ATP10B: variants seen among roughly 807,000 people sequenced by gnomAD.
ATP10B encodes the protein ATPase phospholipid transporting 10B (putative).
ATP10B carries 122 observed loss-of-function variants against 141.2 expected under a neutral mutation model. The observed-to-expected ratio is 0.86, with a 90% CI of 0.75 to 1.00. The LOEUF (loss-of-function observed/expected upper bound fraction) is 1.00. ATP10B is among the 50% of genes least tolerant of loss of function. The pLI is 0.00. For synonymous variants in ATP10B, 685 were observed against 692.0 expected (o/e 0.99, Z 0.16); for missense variants, 1,876 against 1,825.3 (o/e 1.03, Z -0.51).
chr5:160,896,071 C>G, the ATP10B span, among the ~76,000 whole-genome samples: 8 of 152,226 alleles, frequency 5.3e-5, no homozygotes, highest in Non-Finnish European at 1.5e-5. Flanking sequence ...ATTTATAGCA[C>G]TAAATGCCCA....
intron 1 of ATP10B, among the ~76,000 whole-genome samples, chr5:160,823,001 C>CATATATATATATATATACATAT (rs1774261887): frequency 2.9e-5 from 1 of 34,482 alleles, no homozygotes; most frequent in African/African-American, 9.3e-5. Flanking sequence ...TATATATATA[C>CATATATATATATATATACATAT]ATATATATAT....
chr5:160,672,741 C>T (rs1449308253), intron 6 of ATP10B, among the ~76,000 whole-genome samples: 3 of 152,210 alleles, frequency 2.0e-5, no homozygotes, highest in Non-Finnish European at 4.4e-5. Context: ...GGAATCTGAG[C>T]TGCACTGGGC....
intron 2 of ATP10B, among the ~76,000 whole-genome samples, chr5:160,773,070 G>T (rs4992466): frequency 0.27 from 41,238 of 151,732 alleles, 6,362 homozygotes; most frequent in Middle Eastern, 0.37. Flanking sequence ...ATTTGTTGTC[G>T]TTGTTAATTA....
chr5:160,612,716 A>T (rs1481204455), intron 18 of ATP10B, 25 bp downstream of exon 18: 7 of 1,593,018 alleles, frequency 4.4e-6, no homozygotes, highest in Non-Finnish European at 6.0e-6. Flanking sequence ...ATATCTGCAG[A>T]TATCAATACA....
chr5:160,764,947 C>T (rs1202908178), intron 2 of ATP10B, among the ~76,000 whole-genome samples: 2 of 152,052 alleles, frequency 1.3e-5, no homozygotes, highest in African/African-American at 4.8e-5. Context: ...ATCAAGAACT[C>T]AACCCCTTTT....
chr5:160,800,884 A>G (rs1772330780), intron 1 of ATP10B, among the ~76,000 whole-genome samples: 1 of 152,144 alleles, frequency 6.6e-6, no homozygotes, highest in Non-Finnish European at 1.5e-5. Flanking sequence ...AAGCTTTGAA[A>G]TTTCCCTTTC....
intron 1 of ATP10B, among the ~76,000 whole-genome samples, chr5:160,802,117 C>T (rs559127614): frequency 7.2e-5 from 11 of 152,134 alleles, no homozygotes; most frequent in Non-Finnish European, 1.3e-4. Context: ...TTCAGATTGC[C>T]TCTCTGGAAA....
intron 1 of ATP10B, among the ~76,000 whole-genome samples, chr5:160,817,334 A>G (rs1773714571): frequency 1.3e-5 from 2 of 152,218 alleles, no homozygotes; most frequent in Admixed American, 1.3e-4. Context: ...AGCAAAAATC[A>G]CAAGCATTCT....
intron 2 of ATP10B, among the ~76,000 whole-genome samples, chr5:160,783,142 A>G (rs1473667194): frequency 6.8e-6 from 1 of 147,782 alleles, no homozygotes; most frequent in Non-Finnish European, 1.5e-5. Flanking sequence ...ACGCTGCACC[A>G]TATTTGTAGT....
rs749762328 is a variant in ATP10B at position 160,636,294 on chromosome 5, T to C, written c.1016A>G (p.Asn339Ser). 1.9e-6 allele frequency: 3 copies of C among 1,613,146 alleles called. No homozygotes were observed. The South Asian group carries it at 3.3e-5, about 18-fold the overall frequency. Residue 339 changes from asparagine to serine, a missense_variant, in exon 11 of 26, where the codon AAT becomes AGT. By Grantham distance (46) the Asn-to-Ser change is conservative (BLOSUM62 1). Transcript: ENST00000327245. ...LIGAVGHSIWNGTFEEHPPFD... is the reference protein window; with the variant it reads ...LIGAVGHSIWSGTFEEHPPFD... ...GGGAGGGTGTTCTTCAAAGGTCCCA[T>C]TCCAGATGCTGTGACCTGAGAGGAG...
chr5:160,665,084 G>A (rs1435558371), intron 7 of ATP10B, among the ~76,000 whole-genome samples: 1 of 151,848 alleles, frequency 6.6e-6, no homozygotes, highest in Non-Finnish European at 1.5e-5. Flanking sequence ...AAGTGAGAGT[G>A]AATCTCTCAA....
intron 1 of ATP10B, among the ~76,000 whole-genome samples, chr5:160,844,711 A>G (rs1369757628): frequency 6.6e-6 from 1 of 151,972 alleles, no homozygotes; most frequent in Admixed American, 6.6e-5. Context: ...ATGTCCTGAT[A>G]ATTTTTGTAT....
rs61054840 is a variant in ATP10B, at chr5:160,592,843, G to GC, written c.3565-1705dup. On this transcript the variant is annotated intron_variant, in intron 22 of 25. Transcript: ENST00000327245. ...CAGCAGTCTGAGATCAAACTGCAAG[G>GC]CAGCAGCGAGGCTGGGGGAGGGGCG... 8.3e-3 allele frequency among the ~76,000 whole-genome samples: 1,270 copies of GC among 152,362 alleles called. 14 individuals are homozygous for GC. The highest frequency in any genetic ancestry group is 0.028 in the African/African-American group (1,155 of 41,596).
chr5:160,738,169 C>T (rs1767247764), intron 2 of ATP10B, among the ~76,000 whole-genome samples: 2 of 151,968 alleles, frequency 1.3e-5, no homozygotes, highest in South Asian at 2.1e-4. Context: ...GAAAATTAAA[C>T]AATCTACTTC....
At chr5:160,856,323 A>G (rs1162195736), upstream of ATP10B, among the ~76,000 whole-genome samples, 1 of 151,814 alleles carries the variant, frequency 6.6e-6, no homozygotes, top group Non-Finnish European at 1.5e-5. Flanking sequence ...TGGCTGGTAT[A>G]CCAAAATAGA....
At chr5:160,681,649 CTTA>C (rs1435930881) in intron 6 of ATP10B, among the ~76,000 whole-genome samples, 1 of 152,150 alleles carries the variant, frequency 6.6e-6, no homozygotes, top group Non-Finnish European at 1.5e-5. Context: ...AAAAAAGAAA[CTTA>C]TTATTCTTTT....
the ATP10B span, among the ~76,000 whole-genome samples, chr5:160,865,208 G>T: frequency 3.9e-5 from 6 of 152,064 alleles, no homozygotes; most frequent in African/African-American, 1.4e-4. Context: ...ACAACATGGT[G>T]CTGGTAAGAA....
At chr5:160,915,155 T>A in the ATP10B span, among the ~76,000 whole-genome samples, 2 of 152,176 alleles carry the variant, frequency 1.3e-5, no homozygotes, top group African/African-American at 4.8e-5. Flanking sequence ...CATATTAAAT[T>A]ATGCCTTTAA....
chr5:160,752,728 G>T (rs547896549), intron 2 of ATP10B, among the ~76,000 whole-genome samples: 16 of 152,282 alleles, frequency 1.1e-4, no homozygotes, highest in Admixed American at 5.2e-4. Context: ...TGAAGTCAAC[G>T]CGGGGATGTG....
Sources: allele counts gnomAD v4.1 joint callset (sites outside exome capture counted in the v4.1 genomes callset), GRCh38; gene constraint gnomAD v4.1.1; transcripts MANE v1.5; gene names NCBI Gene and HGNC (gene_info 2026-07-23, HGNC 2026-07-21).